The following GABBR2 variants were observed in gnomAD, a reference collection of about 807,000 sequenced individuals.
The protein encoded by GABBR2 is gamma-aminobutyric acid type B receptor subunit 2, also known as G-protein coupled receptor 51.
GABBR2 carries 23 observed loss-of-function variants against 105.6 expected under a neutral mutation model. That is an observed-to-expected ratio of 0.22 (90% CI 0.16 to 0.31). GABBR2 has a LOEUF of 0.31. GABBR2 is among the 10% of genes least tolerant of loss of function. The probability of loss-of-function intolerance (pLI) is 1.00; values close to 1 mark genes in which losing one functional copy is unlikely to be tolerated. For synonymous variants in GABBR2, 478 were observed against 499.7 expected (o/e 0.96, Z 0.58); for missense variants, 734 against 1,245.5 (o/e 0.59, Z 6.18).
intron 11 of GABBR2, among the ~76,000 whole-genome samples, chr9:98,372,788 T>A (rs1193813277): frequency 6.6e-6 from 1 of 152,168 alleles, no homozygotes; most frequent in African/African-American, 2.4e-5. Flanking sequence ...GACAGAACAT[T>A]TTGCGTTTCA....
intron 1 of GABBR2, among the ~76,000 whole-genome samples, chr9:98,621,449 C>A (rs2131821735): frequency 6.6e-6 from 1 of 152,294 alleles, no homozygotes; most frequent in South Asian, 2.1e-4. Flanking sequence ...GAGCCCCTGT[C>A]CCCTACCACA....
intron 1 of GABBR2, among the ~76,000 whole-genome samples, chr9:98,597,814 A>G (rs1829260009): frequency 6.6e-6 from 1 of 151,920 alleles, no homozygotes; most frequent in Non-Finnish European, 1.5e-5. Context: ...AGCTCTTTTT[A>G]TTTTATTTAT....
intron 4 of GABBR2, among the ~76,000 whole-genome samples, chr9:98,492,349 T>TTAAAAAAAAAAAAAAAAAAAAAAA (rs752135873): frequency 3.4e-5 from 1 of 29,218 alleles, no homozygotes; most frequent in Non-Finnish European, 8.6e-5. Context: ...TGTTTCCTAG[T>TTAAAAAAAAAAAAAAAAAAAAAAA]AAAAAAAAAA....
intron 2 of GABBR2, among the ~76,000 whole-genome samples, chr9:98,556,704 A>G (rs1410959926): frequency 6.6e-6 from 1 of 152,056 alleles, no homozygotes; most frequent in Non-Finnish European, 1.5e-5. Flanking sequence ...TTAACTGTAA[A>G]ATGGGGAGAA....
chr9:98,699,555 T>C (rs1040347244), intron 1 of GABBR2, among the ~76,000 whole-genome samples: 20 of 152,122 alleles, frequency 1.3e-4, no homozygotes, highest in African/African-American at 4.6e-4. Flanking sequence ...GATAAATATT[T>C]ATTGAGCTCC....
chr9:98,406,683 A>G (rs1369057536), intron 7 of GABBR2, among the ~76,000 whole-genome samples: 1 of 152,204 alleles, frequency 6.6e-6, no homozygotes. Flanking sequence ...TAACCAAGCT[A>G]TGGTGCAGCA....
chr9:98,413,647 C>A (rs1178883918), intron 7 of GABBR2, among the ~76,000 whole-genome samples: 1 of 152,200 alleles, frequency 6.6e-6, no homozygotes, highest in Non-Finnish European at 1.5e-5. Context: ...GTCTGTCCCA[C>A]TGCCAGCCTT....
intron 2 of GABBR2, among the ~76,000 whole-genome samples, chr9:98,558,973 C>T: frequency 6.6e-6 from 1 of 152,190 alleles, no homozygotes; most frequent in East Asian, 1.9e-4. Context: ...TATTAAATTG[C>T]ATGGAATTGG....
chr9:98,530,979 G>A (rs910234701), intron 3 of GABBR2, among the ~76,000 whole-genome samples: 3 of 152,076 alleles, frequency 2.0e-5, no homozygotes, highest in African/African-American at 7.2e-5. Context: ...GCCCGGGGCT[G>A]GGCAGGTGGC....
At chr9:98,523,124 A>G (rs1166501528) in intron 3 of GABBR2, among the ~76,000 whole-genome samples, 2 of 152,248 alleles carry the variant, frequency 1.3e-5, no homozygotes, top group African/African-American at 4.8e-5. Context: ...AGACATTTAT[A>G]TGCTTAACTA....
intron 13 of GABBR2, among the ~76,000 whole-genome samples, chr9:98,351,748 A>G (rs1334854052): frequency 6.6e-6 from 1 of 152,046 alleles, no homozygotes; most frequent in East Asian, 1.9e-4. Context: ...GTGTTTGTCC[A>G]TCTGTGTTGT....
chr9:98,313,520 A>C (rs1588094847), intron 13 of GABBR2, among the ~76,000 whole-genome samples: 1 of 152,270 alleles, frequency 6.6e-6, no homozygotes, highest in African/African-American at 2.4e-5. Context: ...ATATTTACTG[A>C]TTTGTTCAGT....
At chr9:98,501,107 T>C (rs917594451) in intron 3 of GABBR2, among the ~76,000 whole-genome samples, 2 of 151,404 alleles carry the variant, frequency 1.3e-5, no homozygotes, top group Non-Finnish European at 2.9e-5. Flanking sequence ...CAAAGGGTGA[T>C]TAAGACTAGG....
chr9:98,300,759 T>G (rs1352519274), intron 16 of GABBR2, among the ~76,000 whole-genome samples: 1 of 152,202 alleles, frequency 6.6e-6, no homozygotes, highest in African/African-American at 2.4e-5. Flanking sequence ...TAATCTGATG[T>G]AGGTCAAAAG....
intron 10 of GABBR2, among the ~76,000 whole-genome samples, chr9:98,386,219 T>G (rs868417183): frequency 9.3e-4 from 141 of 152,100 alleles, no homozygotes; most frequent in African/African-American, 3.1e-3. Context: ...CAGGTTTTTT[T>G]TTTTTTTTTT....
intron 13 of GABBR2, among the ~76,000 whole-genome samples, chr9:98,341,200 G>A (rs1309990609): frequency 6.6e-6 from 1 of 152,222 alleles, no homozygotes; most frequent in African/African-American, 2.4e-5. Flanking sequence ...AGATGTTCCA[G>A]AATCGCGGCG....
At chr9:98,524,493 T>C (rs998092197) in intron 3 of GABBR2, among the ~76,000 whole-genome samples, 1 of 152,222 alleles carries the variant, frequency 6.6e-6, no homozygotes, top group Non-Finnish European at 1.5e-5. Context: ...AATAGCCTAT[T>C]CAACCTCTCC....
chr9:98,657,376 A>G (rs1332670633), intron 1 of GABBR2, among the ~76,000 whole-genome samples: 2 of 152,248 alleles, frequency 1.3e-5, no homozygotes, highest in African/African-American at 2.4e-5. Flanking sequence ...ATTTCCTTAC[A>G]GAATTAAAAA....
chr9:98,662,222 G>T (rs927867065), intron 1 of GABBR2, among the ~76,000 whole-genome samples: 1 of 152,282 alleles, frequency 6.6e-6, no homozygotes, highest in South Asian at 2.1e-4. Flanking sequence ...CACTGTTGGT[G>T]GTCGGTGGGA....
Sources: gnomAD v4.1 joint callset for allele counts (sites outside exome capture counted in the v4.1 genomes callset) on GRCh38, gnomAD v4.1.1 for gene constraint, MANE v1.5 for transcripts, NCBI Gene and HGNC (gene_info 2026-07-23, HGNC 2026-07-21) for gene names.